Variants in FBN1 observed in about 807,000 individuals in gnomAD.
The protein encoded by FBN1 is fibrillin 1, also known as fibrillin-1.
In FBN1, 29 loss-of-function variants were observed where a neutral mutation model predicts 365.1. The observed-to-expected ratio is 0.08, with a 90% CI of 0.06 to 0.11. FBN1 has a LOEUF of 0.11. Ranked by LOEUF, FBN1 falls within the 10% of genes least tolerant of loss-of-function variation. FBN1 has a pLI of 1.00. For synonymous variants in FBN1, 1,210 were observed against 1,270.5 expected, an observed-to-expected ratio of 0.95 and a Z score of 1.01; for missense variants, 2,476 against 3,703.2, an observed-to-expected ratio of 0.67 and a Z score of 8.60.
At chr15:48,589,601 G>GTTAC (rs2044461087) in intron 6 of FBN1, among the ~76,000 whole-genome samples, 1 of 137,230 alleles carries the variant, frequency 7.3e-6, no homozygotes, top group Admixed American at 7.1e-5. Context: ...TCTACACATT[G>GTTAC]TTACTTTCTT....
At chr15:48,428,038 T>C (rs2042993925) in intron 57 of FBN1, 2 of 669,254 alleles carry the variant, frequency 3.0e-6, no homozygotes, top group South Asian at 3.1e-5. Context: ...TACAGGGGAA[T>C]AGCCATGCTT....
chr15:48,595,889 AC>A (rs1487025187), intron 6 of FBN1, among the ~76,000 whole-genome samples: 1 of 152,164 alleles, frequency 6.6e-6, no homozygotes, highest in Non-Finnish European at 1.5e-5. Context: ...TGCTTTTCAT[AC>A]TGAAATTCTC....
At chr15:48,421,778 A>G in intron 61 of FBN1, 92 bp from the exon 62 acceptor site, 1 of 1,404,316 alleles carries the variant, frequency 7.1e-7, no homozygotes, top group Non-Finnish European at 9.9e-7. Flanking sequence ...AACTCGGAAA[A>G]GGCCAAATAA....
chr15:48,532,912 T>G (rs2043985604), intron 8 of FBN1, among the ~76,000 whole-genome samples: 1 of 152,196 alleles, frequency 6.6e-6, no homozygotes, highest in Non-Finnish European at 1.5e-5. Flanking sequence ...TGTTCAAGAA[T>G]GCAGTATCAA....
chr15:48,485,521 C>A (rs2043499297), intron 29 of FBN1, 25 bp from the exon 30 acceptor site: 1 of 1,612,708 alleles, frequency 6.2e-7, no homozygotes, highest in African/African-American at 1.3e-5. Flanking sequence ...AATAATATCA[C>A]CTTCTGATAT....
intron 2 of FBN1, among the ~76,000 whole-genome samples, chr15:48,633,896 C>T (rs530662421): frequency 1.3e-5 from 2 of 152,206 alleles, no homozygotes; most frequent in South Asian, 2.1e-4. Context: ...ACCTACGAAC[C>T]GGAGAGGAAA....
At chr15:48,521,620 A>G (rs548118275) in intron 9 of FBN1, among the ~76,000 whole-genome samples, 25 of 152,344 alleles carry the variant, frequency 1.6e-4, no homozygotes, top group African/African-American at 6.0e-4. Flanking sequence ...GACACACTGC[A>G]GCGCAGCTCT....
At chr15:48,475,214 A>T (rs2043409604) in intron 32 of FBN1, among the ~76,000 whole-genome samples, 1 of 152,280 alleles carries the variant, frequency 6.6e-6, no homozygotes, top group African/African-American at 2.4e-5. Context: ...TTTGCAGAAA[A>T]TGTTCCTTAA....
chr15:48,411,153 G>C lies in FBN1; in HGVS notation c.8453C>G (p.Thr2818Arg). ...QKEGISYLHF[T>R]KKKPVAGTYS... is the part of the protein sequence containing the mutation. ...GGTTCCAGCCACTGGCTTCTTCTTT[G>C]TGAAGTGGAGGTAGCTGATCCCTTC... Residue 2818 changes from threonine to arginine, a missense_variant, in exon 66 of 66, where the codon ACA becomes AGA. Coordinates refer to ENST00000316623, the MANE Select transcript of FBN1 (RefSeq NM_000138.5). 2 of 1,614,130 alleles carry C rather than the reference G, an allele frequency of 1.2e-6. No homozygotes were observed. Among genetic ancestry groups the C allele is most frequent in the Non-Finnish European group, 1.7e-6 (2 of 1,180,012 alleles).
chr15:48,427,784 C>T lies in FBN1; in HGVS notation c.6998-11G>A. The T allele has an allele frequency of 6.2e-7, 1 of 1,610,980 alleles. No homozygotes were observed. ...ACCCTTCCCGATTGTCTGGAAGGGA[C>T]ATTATATGGCAAAGGGGATGTCAGG... On this transcript the variant is annotated splice_polypyrimidine_tract_variant and intron_variant, in intron 57 of 65. Transcript: ENST00000316623.
intron 40 of FBN1, among the ~76,000 whole-genome samples, chr15:48,465,343 C>T (rs985157234): frequency 6.6e-6 from 1 of 152,206 alleles, no homozygotes; most frequent in African/African-American, 2.4e-5. Flanking sequence ...GAATAAGATT[C>T]TGTTTTTCTC....
rs138353076 is a variant in FBN1 at position 48,505,804 on chromosome 15, G to A, written c.1838-657C>T. Reference sequence around the variant, plus strand: ...TATGGTATTTTATGTGTATACTTAAGGAGGTCTGGTAAAAGACTTTATCGG... The same window carrying A: ...TATGGTATTTTATGTGTATACTTAAAGAGGTCTGGTAAAAGACTTTATCGG... On this transcript the variant is annotated intron_variant, in intron 15 of 65. Transcript: ENST00000316623. Among the ~76,000 whole-genome samples, 1,102 of 152,302 alleles carry A rather than the reference G, an allele frequency of 7.2e-3. 17 individuals carry two copies. The highest frequency in any genetic ancestry group is 0.025 in the African/African-American group (1,053 of 41,568).
intron 6 of FBN1, among the ~76,000 whole-genome samples, chr15:48,573,714 C>A (rs1295575758): frequency 1.3e-5 from 2 of 152,180 alleles, no homozygotes; most frequent in Non-Finnish European, 2.9e-5. Flanking sequence ...TAACCAGATT[C>A]TTGGCAAACA....
chr15:48,595,938 T>G (rs946945144), intron 6 of FBN1, among the ~76,000 whole-genome samples: 2 of 152,210 alleles, frequency 1.3e-5, no homozygotes, highest in Non-Finnish European at 2.9e-5. Flanking sequence ...ACCACTTAAT[T>G]CACTGGCATA....
intron 21 of FBN1, 78 bp downstream of exon 21, chr15:48,495,391 T>A: frequency 6.3e-7 from 1 of 1,595,370 alleles, no homozygotes; most frequent in Non-Finnish European, 8.6e-7. Flanking sequence ...CATACTTAAA[T>A]TCTTTTGCAG....
intron 6 of FBN1, among the ~76,000 whole-genome samples, chr15:48,568,231 A>T (rs562941407): frequency 4.8e-4 from 73 of 152,002 alleles, no homozygotes; most frequent in African/African-American, 1.7e-3. Flanking sequence ...ACAATGAACA[A>T]TCAGAAAATT....
At position 48,526,112 on chromosome 15, in the gene FBN1, G is replaced by C; in HGVS notation, c.988+18C>G. The C allele has an allele frequency of 6.2e-7, 1 of 1,613,970 alleles. No homozygotes were observed. The highest frequency in any genetic ancestry group is 8.5e-7 in the Non-Finnish European group (1 of 1,179,846). On this transcript the variant is annotated intron_variant, in intron 9 of 65. Coordinates refer to ENST00000316623, the MANE Select transcript of FBN1 (RefSeq NM_000138.5). ...CTGACTTACACAAACCATGCATGCTGTTTGTCATTAAACCTACCTATGCAT... is the reference window on the plus strand; with the variant it reads ...CTGACTTACACAAACCATGCATGCTCTTTGTCATTAAACCTACCTATGCAT...
rs147798496 is a variant in FBN1, at chr15:48,516,686, AG to A, written c.1148-325del. On this transcript the variant is annotated intron_variant, in intron 10 of 65. Transcript: ENST00000316623. ...ATCCAGTCCCACCTGTGGATTCCAC[AG>A]GGCTCTACAGAATACATTAAAAAAT... is the stretch of plus-strand genomic sequence containing the variant. Among the ~76,000 whole-genome samples, 611 of 152,350 alleles carry A rather than the reference AG, an allele frequency of 4.0e-3. 1 individual carries two copies. Among genetic ancestry groups the A allele is most frequent in the Non-Finnish European group, 6.5e-3 (444 of 68,034 alleles).
chr15:48,427,859 C>CA, intron 57 of FBN1, 86 bp from the exon 58 acceptor site: 1 of 1,211,132 alleles, frequency 8.3e-7, no homozygotes, highest in Non-Finnish European at 1.2e-6. Context: ...ATATAAAAAC[C>CA]AAAAAAGGAT....
Sources: allele counts gnomAD v4.1 joint callset (sites outside exome capture counted in the v4.1 genomes callset), GRCh38; gene constraint gnomAD v4.1.1; transcripts MANE v1.5; gene names NCBI Gene and HGNC (gene_info 2026-07-23, HGNC 2026-07-21).